ARPC3: variants seen among roughly 807,000 people sequenced by gnomAD.
ARPC3 encodes actin related protein 2/3 complex subunit 3.
A neutral mutation model predicts 27.6 loss-of-function variants in ARPC3; 12 were observed. The ratio of observed to expected loss-of-function variants is 0.43; its 90% CI spans 0.28 to 0.70. The LOEUF is 0.70. ARPC3 is among the 30% of genes least tolerant of loss of function. The pLI, the probability that ARPC3 is intolerant of heterozygous loss-of-function variation, is 0.17. For synonymous variants in ARPC3, 53 were observed against 67.2 expected, an observed-to-expected ratio of 0.79 and a Z score of 1.03; for missense variants, 153 against 207.7, an observed-to-expected ratio of 0.74 and a Z score of 1.62.
chr12:110,445,310 G>A (rs553234368), intron 2 of ARPC3, 142 bp downstream of exon 2: 50 of 707,822 alleles, frequency 7.1e-5, no homozygotes, highest in Middle Eastern at 7.4e-4. Flanking sequence ...ATCTTGAAAG[G>A]TCTAGACCAC....
chr12:110,445,618 C>T, intron 1 of ARPC3, 67 bp from the exon 2 acceptor site: 1 of 1,222,042 alleles, frequency 8.2e-7, no homozygotes, highest in South Asian at 1.2e-5. Flanking sequence ...GGCAAACAAC[C>T]TTCCCTTAAA....
At chr12:110,436,239 C>CA in intron 5 of ARPC3, 35 bp from the exon 6 acceptor site, 1 of 1,519,976 alleles carries the variant, frequency 6.6e-7, no homozygotes, top group Non-Finnish European at 9.1e-7. Flanking sequence ...ACTGTATTTG[C>CA]AAATACATCC....
chr12:110,447,884 T>TC (rs1277923388), intron 1 of ARPC3, among the ~76,000 whole-genome samples: 3 of 139,740 alleles, frequency 2.1e-5, no homozygotes, highest in East Asian at 2.0e-4. Flanking sequence ...GGATTTAGAG[T>TC]CCTTTTTTTT....
intron 2 of ARPC3, among the ~76,000 whole-genome samples, chr12:110,444,492 C>T (rs568237675): frequency 6.6e-6 from 1 of 152,066 alleles, no homozygotes; most frequent in South Asian, 2.1e-4. Flanking sequence ...GCCATGTTTG[C>T]CAGGCTGGTC....
rs1489610458 is a variant in ARPC3, at chr12:110,438,628, C to A, written c.184-1476G>T. 2.0e-5 allele frequency among the ~76,000 whole-genome samples: 3 copies of A among 151,212 alleles called. No individual in the cohort carries two copies. The South Asian group carries it at 6.3e-4, about 32-fold the overall frequency. ...AAAAAAACAACAAAAAAATTACCCC[C>A]AAACCACACCATTTTCCTATATATT... On this transcript the variant is annotated intron_variant, in intron 3 of 6. Transcript: ENST00000228825.
intron 2 of ARPC3, 197 bp from the exon 3 acceptor site, chr12:110,440,585 C>T: frequency 2.0e-6 from 1 of 500,486 alleles, no homozygotes; most frequent in African/African-American, 2.0e-5. Context: ...CTCGCTCTGT[C>T]ACCCAGGCTG....
chr12:110,448,217 G>A (rs2062476750), intron 1 of ARPC3, among the ~76,000 whole-genome samples: 2 of 151,948 alleles, frequency 1.3e-5, no homozygotes, highest in African/African-American at 4.8e-5. Flanking sequence ...ACCATTACTA[G>A]GCAACCTTGT....
At chr12:110,436,764 G>A (rs2062408422) in intron 4 of ARPC3, 81 bp from the exon 5 acceptor site, 39 of 1,108,802 alleles carry the variant, frequency 3.5e-5, no homozygotes, top group Non-Finnish European at 4.6e-5. Flanking sequence ...ATATTTTACA[G>A]GGAAAAGAAG....
chr12:110,447,879 T>TA (rs1372636417), intron 1 of ARPC3, among the ~76,000 whole-genome samples: 3 of 149,420 alleles, frequency 2.0e-5, no homozygotes, highest in Non-Finnish European at 3.0e-5. Flanking sequence ...TACAGGGATT[T>TA]AGAGTCCTTT....
chr12:110,443,730 G>A (rs2062450176), intron 2 of ARPC3, among the ~76,000 whole-genome samples: 1 of 152,194 alleles, frequency 6.6e-6, no homozygotes, highest in African/African-American at 2.4e-5. Context: ...ACTATGCCTG[G>A]CTGCAATCTG....
chr12:110,436,607 C>A lies in ARPC3; in HGVS notation c.329G>T (p.Gly110Val). ...ITNFPIPGEP[G>V]FPLNAIYAKP... ...GGCATAAATTGCGTTAAGTGGAAAA[C>A]CAGGCTCTCCAGGAATGGGAAAATT... is the stretch of plus-strand genomic sequence containing the variant. The change falls in exon 5 of 7, where the codon GGT becomes GTT. Residue 110 changes from glycine to valine, a missense_variant. Coordinates refer to ENST00000228825, the MANE Select transcript of ARPC3 (RefSeq NM_001278556.2). 1 of 1,612,858 alleles carries A rather than the reference C, an allele frequency of 6.2e-7. No homozygotes were observed. The highest frequency in any genetic ancestry group is 8.5e-7 in the Non-Finnish European group (1 of 1,179,508).
chr12:110,440,281 T>A, intron 3 of ARPC3, 31 bp downstream of exon 3: 2 of 1,481,860 alleles, frequency 1.3e-6, no homozygotes. Context: ...ATGAGAAAAC[T>A]AAGTTAAATA....
chr12:110,444,006 G>A (rs999421015), intron 2 of ARPC3, among the ~76,000 whole-genome samples: 12 of 146,756 alleles, frequency 8.2e-5, no homozygotes, highest in Middle Eastern at 3.6e-3. Flanking sequence ...AGTTTTGCTC[G>A]TTGCCTAGGC....
chr12:110,449,611 C>T (rs1412046217), intron 1 of ARPC3, among the ~76,000 whole-genome samples: 1 of 152,106 alleles, frequency 6.6e-6, no homozygotes, highest in Non-Finnish European at 1.5e-5. Flanking sequence ...ACTGAACCAC[C>T]TTTTCCCGAA....
chr12:110,445,101 T>C, intron 2 of ARPC3: 2 of 261,184 alleles, frequency 7.7e-6, no homozygotes, highest in Non-Finnish European at 1.5e-5. Context: ...GGTTAAAATA[T>C]TTGTTGTTGT....
intron 3 of ARPC3, among the ~76,000 whole-genome samples, chr12:110,439,573 C>T (rs1340399471): frequency 6.6e-6 from 1 of 152,174 alleles, no homozygotes; most frequent in Non-Finnish European, 1.5e-5. Flanking sequence ...TGGCTCACGC[C>T]TGTAATCCCA....
intron 4 of ARPC3, 109 bp from the exon 5 acceptor site, chr12:110,436,792 C>A: frequency 1.0e-6 from 1 of 960,824 alleles, no homozygotes. Context: ...TCCTTGGACC[C>A]CAGGTTAAGA....
chr12:110,436,717 C>A, intron 4 of ARPC3, 34 bp from the exon 5 acceptor site: 1 of 691,168 alleles, frequency 1.4e-6, no homozygotes, highest in Non-Finnish European at 2.2e-6. Context: ...TATATACACA[C>A]ACACACACAC....
chr12:110,435,672 G>A (rs2062399423), intron 6 of ARPC3, among the ~76,000 whole-genome samples: 1 of 151,556 alleles, frequency 6.6e-6, no homozygotes, highest in Non-Finnish European at 1.5e-5. Context: ...CATTCAGGCT[G>A]GAGTGTAATG....
Sources: gnomAD v4.1 joint callset for allele counts (sites outside exome capture counted in the v4.1 genomes callset) on GRCh38, gnomAD v4.1.1 for gene constraint, MANE v1.5 for transcripts, NCBI Gene and HGNC (gene_info 2026-07-23, HGNC 2026-07-21) for gene names.